The following NQO2 variants were observed in gnomAD, a reference collection of about 807,000 sequenced individuals.
NQO2 encodes the protein ribosyldihydronicotinamide dehydrogenase [quinone].
In NQO2, 18 loss-of-function variants were observed where a neutral mutation model predicts 22.0. The ratio of observed to expected loss-of-function variants is 0.82; its 90% CI spans 0.56 to 1.21. The LOEUF (loss-of-function observed/expected upper bound fraction) is 1.21. NQO2 is among the 50% of genes most tolerant of loss of function. The pLI is 0.00. For synonymous variants in NQO2, 106 were observed against 110.8 expected (o/e 0.96, Z 0.28); for missense variants, 267 against 286.9 (o/e 0.93, Z 0.50).
chr6:3,018,101 C>A (rs1757400530), intron 6 of NQO2, among the ~76,000 whole-genome samples: 2 of 152,150 alleles, frequency 1.3e-5, no homozygotes, highest in African/African-American at 4.8e-5. Context: ...TCTAAAAGTT[C>A]TTTTGATTGG....
intron 5 of NQO2, 47 bp from the exon 6 acceptor site, chr6:3,016,837 G>C (rs1033549081): frequency 3.7e-6 from 6 of 1,603,560 alleles, no homozygotes; most frequent in African/African-American, 1.3e-5. Context: ...CAACATTTCT[G>C]TCCTCTTCTG....
At chr6:3,005,423 G>C (rs185725560) in intron 1 of NQO2, among the ~76,000 whole-genome samples, 3 of 152,206 alleles carry the variant, frequency 2.0e-5, no homozygotes, top group African/African-American at 4.8e-5. Context: ...TTTTTTGGTA[G>C]TAGTAGCCAT....
chr6:3,003,054 C>T (rs1405351269), intron 1 of NQO2, among the ~76,000 whole-genome samples: 2 of 152,220 alleles, frequency 1.3e-5, no homozygotes, highest in East Asian at 3.8e-4. Flanking sequence ...TTTGCCAGGC[C>T]TCCCTATGCA....
chr6:3,012,752 T>C, intron 4 of NQO2, 78 bp downstream of exon 4: 1 of 1,445,014 alleles, frequency 6.9e-7, no homozygotes, highest in South Asian at 1.3e-5. Flanking sequence ...AGTTTTGTGC[T>C]GCTTCTGGAA....
rs966339194 is a variant in NQO2, at chr6:3,006,090, G to A, written c.-85-378G>A. ...GTCTGGCACCAGCCGAGGAGTGCAC[G>A]CACCCATTGGTGGTGTGGCGGTTCA... On this transcript the variant is annotated intron_variant, in intron 1 of 6. Transcript: ENST00000380455. The surrounding 1 kb of genome is among the most constrained non-coding windows in gnomAD (Gnocchi z 4.0). 2.0e-5 allele frequency among the ~76,000 whole-genome samples: 3 copies of A among 152,180 alleles called. No individual in the cohort carries two copies. The highest frequency in any genetic ancestry group is 1.3e-4 in the Admixed American group (2 of 15,276).
intron 4 of NQO2, among the ~76,000 whole-genome samples, chr6:3,014,132 C>G (rs1022774904): frequency 8.5e-5 from 13 of 152,188 alleles, no homozygotes; most frequent in African/African-American, 3.1e-4. Context: ...GACCACTTTC[C>G]AGACAAAACC....
chr6:3,012,492 G>A (rs758030902), intron 3 of NQO2, 52 bp from the exon 4 acceptor site: 9 of 251,068 alleles, frequency 3.6e-5, no homozygotes, highest in Non-Finnish European at 5.6e-5. Context: ...TGGTTGGGAT[G>A]GGCTGTGGAT....
At chr6:3,010,637 AT>A (rs2113449470) in intron 3 of NQO2, among the ~76,000 whole-genome samples, 1 of 151,818 alleles carries the variant, frequency 6.6e-6, no homozygotes, top group East Asian at 1.9e-4. Context: ...AGGGAGAAAT[AT>A]CCCTGACAAC....
At chr6:3,007,055 G>A (rs142119774) in intron 2 of NQO2, 19 of 393,248 alleles carry the variant, frequency 4.8e-5, no homozygotes, top group African/African-American at 2.1e-4. Flanking sequence ...AGAGCCTTTC[G>A]TGTTAGAACG....
chr6:3,015,494 G>A (rs183544684), intron 4 of NQO2, 36 bp from the exon 5 acceptor site: 38 of 1,605,680 alleles, frequency 2.4e-5, no homozygotes, highest in Middle Eastern at 1.7e-4. Context: ...GAGGCGAGCC[G>A]CAGCCTCAGT....
At chr6:3,019,439 G>A in intron 6 of NQO2, 40 bp from the exon 7 acceptor site, 4 of 1,582,942 alleles carry the variant, frequency 2.5e-6, no homozygotes, top group Middle Eastern at 1.7e-4. Context: ...TGTAACAGGT[G>A]TAGTTTCTAA....
At position 3,015,674 on chromosome 6, in the gene NQO2, A is replaced by G. The variant is rs9503361; in HGVS notation, c.417+31A>G. On this transcript the variant is annotated intron_variant, in intron 5 of 6. Transcript: ENST00000380455. ...TGCTCTTGGATAAGGATCACTATGG[A>G]TAGTTGGAGGGAGGGGACAGAGGAT... 1,859 of 1,599,902 alleles carry G rather than the reference A, an allele frequency of 1.2e-3. 21 individuals carry two copies. The African/African-American group carries it at 0.021, about 18-fold the overall frequency.
intron 2 of NQO2, among the ~76,000 whole-genome samples, chr6:3,008,414 AAAAAAAAAAAAAAG>A (rs1396192653): frequency 1.5e-5 from 2 of 130,024 alleles, no homozygotes; most frequent in Non-Finnish European, 3.3e-5. Flanking sequence ...CTCTGTTTCA[AAAAAAAAAAAAAAG>A]AAAAAGAAAA....
intron 1 of NQO2, chr6:3,002,207 A>G (rs1187850688): frequency 1.0e-6 from 1 of 985,286 alleles, no homozygotes; most frequent in Non-Finnish European, 1.2e-6. Context: ...CATACAAACA[A>G]CATGATTTCG....
intron 1 of NQO2, among the ~76,000 whole-genome samples, chr6:3,001,151 A>T (rs1345855606): frequency 1.4e-5 from 2 of 138,856 alleles, no homozygotes; most frequent in Non-Finnish European, 3.1e-5. Flanking sequence ...GTGCAATGGC[A>T]CAATCTCAGC....
At chr6:3,013,360 A>C (rs3823093) in intron 4 of NQO2, among the ~76,000 whole-genome samples, 22,218 of 151,996 alleles carry the variant, frequency 0.15, 2,476 homozygotes, top group African/African-American at 0.31. Flanking sequence ...AATGAAGGAT[A>C]TTTCCATTAT....
intron 3 of NQO2, among the ~76,000 whole-genome samples, chr6:3,010,442 G>A (rs1217503485): frequency 1.3e-5 from 2 of 151,672 alleles, no homozygotes; most frequent in Non-Finnish European, 2.9e-5. Flanking sequence ...TCATATCCAC[G>A]ACACCCCTCC....
In NQO2 at chr6:3,000,009, G is replaced by A. The variant is rs943864465; in HGVS notation, c.-162G>A. 9 of 152,358 alleles carry A rather than the reference G, an allele frequency of 5.9e-5. No homozygotes were observed. The highest frequency in any genetic ancestry group is 2.2e-4 in the African/African-American group (9 of 41,468). The allele number at this position is 152,358 out of a possible 1,614,324, so 9.4% of individuals were successfully genotyped here. ...CGGTCCAGTGCGGCCGGAACCTGGC[G>A]CAACTCCTAGAGCGGTCCTTGGGGA... On this transcript the variant is annotated 5_prime_UTR_variant, in exon 1 of 7. Transcript: ENST00000380455.
At position 3,012,841 on chromosome 6, in the gene NQO2, T is replaced by TTTCACCTAGTTACACCAC. The variant is rs1351699373; in HGVS notation, c.303+182_303+199dup. Reference sequence around the variant, plus strand: ...CTGGTTACAACACCTAGTTACAACATTTCACCTAGTTACACCACTTCACCT... The same window carrying TTTCACCTAGTTACACCAC: ...CTGGTTACAACACCTAGTTACAACATTTCACCTAGTTACACCACTTCACCTAGTTACACCACTTCACCT... On this transcript the variant is annotated intron_variant, in intron 4 of 6. Transcript: ENST00000380455. Among the ~76,000 whole-genome samples, 11 of 151,832 alleles carry TTTCACCTAGTTACACCAC rather than the reference T, an allele frequency of 7.2e-5. No individual in the cohort carries two copies. The East Asian group carries it at 9.6e-4, about 13-fold the overall frequency.
Sources: gnomAD v4.1 joint callset for allele counts (sites outside exome capture counted in the v4.1 genomes callset) on GRCh38, gnomAD v4.1.1 for gene constraint, Gnocchi (gnomAD v3.1) non-coding constraint, MANE v1.5 for transcripts, NCBI Gene and HGNC (gene_info 2026-07-23, HGNC 2026-07-21) for gene names.